The following SEC22A variants were observed in gnomAD, a reference collection of about 807,000 sequenced individuals.
SEC22A encodes SEC22 homolog A, vesicle trafficking protein.
A neutral mutation model predicts 35.3 loss-of-function variants in SEC22A; 22 were observed. That is an observed-to-expected ratio of 0.62 (90% CI 0.45 to 0.89). SEC22A has a LOEUF of 0.89. Ranked by LOEUF, SEC22A falls within the 40% of genes least tolerant of loss-of-function variation. The probability of loss-of-function intolerance (pLI) is 0.00; values close to 1 mark genes in which losing one functional copy is unlikely to be tolerated. For missense variants in SEC22A, 354 were observed against 362.5 expected, an observed-to-expected ratio of 0.98 and a Z score of 0.19; for synonymous variants, 119 against 129.5, an observed-to-expected ratio of 0.92 and a Z score of 0.55.
intron 2 of SEC22A, among the ~76,000 whole-genome samples, chr3:123,212,814 A>C (rs1311904784): frequency 6.6e-6 from 1 of 152,130 alleles, no homozygotes; most frequent in Non-Finnish European, 1.5e-5. Flanking sequence ...CCTTCTGGAG[A>C]TGCAAACTAG....
chr3:123,238,715 T>C (rs1937471826), intron 4 of SEC22A, among the ~76,000 whole-genome samples: 1 of 152,202 alleles, frequency 6.6e-6, no homozygotes, highest in Admixed American at 6.5e-5. Context: ...GTATCTTTTT[T>C]GTATTTCTTG....
At chr3:123,238,659 T>C (rs1265697859) in intron 4 of SEC22A, among the ~76,000 whole-genome samples, 1 of 152,228 alleles carries the variant, frequency 6.6e-6, no homozygotes, top group African/African-American at 2.4e-5. Flanking sequence ...TTGATAAACA[T>C]CATTTTTCAG....
chr3:123,211,757 C>G (rs1936942558), intron 2 of SEC22A, among the ~76,000 whole-genome samples: 2 of 152,040 alleles, frequency 1.3e-5, no homozygotes, highest in African/African-American at 4.8e-5. Flanking sequence ...TGCACCTGGC[C>G]CACTTTAATT....
At chr3:123,256,794 C>CT (rs1937742467) in intron 5 of SEC22A, among the ~76,000 whole-genome samples, 1 of 137,562 alleles carries the variant, frequency 7.3e-6, no homozygotes, top group Non-Finnish European at 1.5e-5. Context: ...GATTCTCGCT[C>CT]TGTCACCCAG....
At chr3:123,234,400 T>G (rs1040164620) in intron 4 of SEC22A, among the ~76,000 whole-genome samples, 3 of 152,184 alleles carry the variant, frequency 2.0e-5, no homozygotes, top group Non-Finnish European at 4.4e-5. Context: ...ATCATGACTG[T>G]GTGGTTCTAG....
Position 123,273,867 on chromosome 3 carries a change from G to A in SEC22A, c.*2145G>A, listed in dbSNP as rs1182789504. 1 of 11,794 alleles carries A rather than the reference G, an allele frequency of 8.5e-5. No individual in the cohort carries two copies. Among genetic ancestry groups the A allele is most frequent in the African/African-American group, 2.9e-4 (1 of 3,438 alleles). The allele number at this position is 11,794 out of a possible 1,614,324, so 0.7% of individuals were successfully genotyped here. ...ACAGAATTTTCTTGTAAATAGGGAA[G>A]TTGGAGCATTCTGGTTGAGATTTTG... On this transcript the variant is annotated 3_prime_UTR_variant, in exon 7 of 7. Transcript: ENST00000492595.
intron 2 of SEC22A, among the ~76,000 whole-genome samples, chr3:123,220,867 C>CAT (rs563341393): frequency 0.013 from 1,267 of 97,454 alleles, 95 homozygotes; most frequent in Middle Eastern, 0.025. Flanking sequence ...AAAAAGGTCT[C>CAT]ATATATATAT....
intron 5 of SEC22A, among the ~76,000 whole-genome samples, chr3:123,251,401 C>G (rs981885630): frequency 6.6e-6 from 1 of 152,134 alleles, no homozygotes; most frequent in African/African-American, 2.4e-5. Flanking sequence ...CTAAATTACT[C>G]TAACATTTCT....
chr3:123,205,444 T>C (rs1021571024), intron 1 of SEC22A, among the ~76,000 whole-genome samples: 2 of 152,152 alleles, frequency 1.3e-5, no homozygotes, highest in African/African-American at 4.8e-5. Context: ...ATCCCAGCAC[T>C]TTGTGAGGCC....
rs1446265575 is a variant in SEC22A, at chr3:123,272,816, T to G, written c.*1094T>G. 6.5e-6 allele frequency: 1 copy of G among 153,792 alleles called. No homozygotes were observed. Among genetic ancestry groups the G allele is most frequent in the Non-Finnish European group, 1.5e-5 (1 of 68,050 alleles). 9.5% of individuals were successfully genotyped at this position (153,792 alleles called of 1,614,324 possible). The stretch of plus-strand genomic sequence containing the variant: ...TTAAAGACATGTTGTGTGCCACCAG[T>G]GGCATGGGTCCGCACTATGGAAATG... On this transcript the variant is annotated 3_prime_UTR_variant, in exon 7 of 7. Transcript: ENST00000492595.
intron 4 of SEC22A, among the ~76,000 whole-genome samples, chr3:123,242,043 C>T (rs985650363): frequency 2.6e-5 from 4 of 151,458 alleles, no homozygotes; most frequent in African/African-American, 9.7e-5. Flanking sequence ...TTTGGCCTAT[C>T]TATAGGCACT....
At chr3:123,232,246 A>C (rs1218081737) in intron 4 of SEC22A, among the ~76,000 whole-genome samples, 1 of 152,212 alleles carries the variant, frequency 6.6e-6, no homozygotes, top group Non-Finnish European at 1.5e-5. Flanking sequence ...TCTAAAAGAA[A>C]AAAGAAATGA....
chr3:123,203,415 T>A (rs1010328237), intron 1 of SEC22A, among the ~76,000 whole-genome samples: 2 of 152,178 alleles, frequency 1.3e-5, no homozygotes, highest in African/African-American at 4.8e-5. Flanking sequence ...TTTAATGTAG[T>A]GCTTTTAGCA....
intron 6 of SEC22A, among the ~76,000 whole-genome samples, chr3:123,269,793 C>A (rs1023119171): frequency 6.6e-6 from 1 of 151,782 alleles, no homozygotes; most frequent in African/African-American, 2.4e-5. Context: ...CCACCACACC[C>A]GACTAATTTT....
intron 2 of SEC22A, among the ~76,000 whole-genome samples, chr3:123,214,755 CTTTA>C (rs1260347928): frequency 6.6e-6 from 1 of 152,264 alleles, no homozygotes; most frequent in African/African-American, 2.4e-5. Flanking sequence ...TTTGAAATCT[CTTTA>C]TTTAAACAGT....
intron 6 of SEC22A, among the ~76,000 whole-genome samples, chr3:123,266,414 C>A (rs1351466643): frequency 6.6e-6 from 1 of 152,074 alleles, no homozygotes; most frequent in Non-Finnish European, 1.5e-5. Flanking sequence ...ATAATGTATG[C>A]ACTAACTCCT....
At chr3:123,216,820 C>G (rs1054347830) in intron 2 of SEC22A, among the ~76,000 whole-genome samples, 1 of 152,180 alleles carries the variant, frequency 6.6e-6, no homozygotes, top group Non-Finnish European at 1.5e-5. Flanking sequence ...TTGAGCCCCT[C>G]TATTCAATAT....
rs10642998 is a variant in SEC22A at position 123,269,215 on chromosome 3, G to GTGTGTGTGTATATA, written c.724-2306_724-2305insGTGTGTGTATATAT. On this transcript the variant is annotated intron_variant, in intron 6 of 6. Transcript: ENST00000492595. ...TGTGTGTGTGTGTGTGTGTGTGTGT[G>GTGTGTGTGTATATA]TATATATTACTGGAAATGCTAGCTC... Among the ~76,000 whole-genome samples the GTGTGTGTGTATATA allele has an allele frequency of 2.1e-3, 283 of 136,876 alleles. 4 individuals are homozygous for GTGTGTGTGTATATA. The highest frequency in any genetic ancestry group is 2.3e-3 in the Non-Finnish European group (145 of 63,352). The allele number at this position is 136,876 out of a possible 152,430, so 89.8% of individuals were successfully genotyped here. A position where few individuals can be genotyped will look rare whatever the true frequency, so the allele number is the denominator to read the frequency against.
intron 2 of SEC22A, among the ~76,000 whole-genome samples, chr3:123,215,149 A>G (rs1936999694): frequency 6.6e-6 from 1 of 152,222 alleles, no homozygotes; most frequent in Non-Finnish European, 1.5e-5. Context: ...AAGGGCTATT[A>G]AATAGAGCTC....
Sources: gnomAD v4.1 joint callset for allele counts (sites outside exome capture counted in the v4.1 genomes callset) on GRCh38, gnomAD v4.1.1 for gene constraint, MANE v1.5 for transcripts, NCBI Gene and HGNC (gene_info 2026-07-23, HGNC 2026-07-21) for gene names.